The following SLC35E1 variants were observed in gnomAD, a reference collection of about 807,000 sequenced individuals.
SLC35E1 encodes the protein solute carrier family 35 member E1.
Under a neutral mutation model 31.0 loss-of-function variants are expected in SLC35E1, and 12 were observed. The ratio of observed to expected loss-of-function variants is 0.39; its 90% CI spans 0.25 to 0.63. The LOEUF is 0.63. Among genes scored for constraint, SLC35E1 ranks in the 20% least tolerant of loss-of-function variants. The pLI, the probability that SLC35E1 is intolerant of heterozygous loss-of-function variation, is 0.52. For synonymous variants in SLC35E1, 257 were observed against 264.1 expected (o/e 0.97, Z 0.26); for missense variants, 429 against 572.2 (o/e 0.75, Z 2.55).
Position 16,572,140 on chromosome 19 carries a change from C to T in SLC35E1, c.225G>A (p.Pro75=). 1.3e-6 allele frequency: 2 copies of T among 1,510,262 alleles called. No homozygotes were observed. The highest frequency in any genetic ancestry group is 8.9e-7 in the Non-Finnish European group (1 of 1,129,790). The allele number at this position is 1,510,262 out of a possible 1,614,324, so 93.6% of individuals were successfully genotyped here. ...GGGGCACGCGCCAGGCGCGCAGCAG[C>T]GGCGGGAGCCCAGCGCACAGAGCCA... ...HILALCAGLP[P]LLRAWRVPPA... The change falls in exon 1 of 6, where the codon CCG becomes CCA. Residue 75 remains proline, a synonymous_variant. Transcript: ENST00000595753. This position sits in a 1 kb window ranked among gnomAD's most constrained non-coding sequence, Gnocchi z 4.1.
chr19:16,557,930 C>T (rs2085883031), intron 4 of SLC35E1, among the ~76,000 whole-genome samples: 1 of 152,226 alleles, frequency 6.6e-6, no homozygotes, highest in Non-Finnish European at 1.5e-5. Context: ...TCTCCTGCCT[C>T]AGCCTCCCGC....
rs146779841 is a variant in SLC35E1, at chr19:16,555,387, T to G, written c.767A>C (p.Tyr256Ser). Residue 256 changes from tyrosine to serine, a missense_variant, in exon 5 of 6, where the codon TAC becomes TCC. By Grantham distance (144) the Tyr-to-Ser change is moderately radical. Transcript: ENST00000595753. This position sits in a 1 kb window ranked among gnomAD's most constrained non-coding sequence, Gnocchi z 4.1. ...GAGCAGGAGCGTCCAGGGCCACTGG[T>G]AGACGTAGGTCTGCAGAGACCGGAA... is the stretch of plus-strand genomic sequence containing the variant. ...FLVSSDLTYV[Y>S]QWPWTLLLLA... The G allele has an allele frequency of 2.5e-6, 4 of 1,613,540 alleles. No individual in the cohort carries two copies. The African/African-American group carries it at 5.3e-5, about 22-fold the overall frequency.
intron 4 of SLC35E1, among the ~76,000 whole-genome samples, chr19:16,561,862 G>A (rs915093505): frequency 6.6e-6 from 1 of 152,166 alleles, no homozygotes; most frequent in Non-Finnish European, 1.5e-5. Context: ...GCCTAGGGCT[G>A]CTATTAAAAT....
intron 4 of SLC35E1, among the ~76,000 whole-genome samples, chr19:16,558,556 C>T (rs748105060): frequency 2.0e-4 from 31 of 151,832 alleles, no homozygotes; most frequent in South Asian, 6.2e-4. Context: ...AGGCTGGTCT[C>T]GAACTCCTGA....
chr19:16,566,161 G>A (rs1168057960), intron 4 of SLC35E1: 1 of 167,118 alleles, frequency 6.0e-6, no homozygotes, highest in Non-Finnish European at 1.3e-5. Context: ...GCAACAGAGC[G>A]AGGTTCTGTC....
intron 3 of SLC35E1, among the ~76,000 whole-genome samples, chr19:16,567,224 T>C (rs1393130718): frequency 6.6e-6 from 1 of 152,198 alleles, no homozygotes; most frequent in African/African-American, 2.4e-5. Context: ...TCTATTCCTA[T>C]TGCCTAGGCT....
chr19:16,566,441 C>T, intron 4 of SLC35E1, 91 bp downstream of exon 4: 1 of 1,564,874 alleles, frequency 6.4e-7, no homozygotes, highest in Admixed American at 1.8e-5. Flanking sequence ...AAAGATACCA[C>T]AATGTTAACA....
chr19:16,566,708 A>G (rs1220249668), intron 3 of SLC35E1, 51 bp from the exon 4 acceptor site: 1 of 1,577,072 alleles, frequency 6.3e-7, no homozygotes, highest in East Asian at 2.3e-5. Flanking sequence ...ATGTGGCAAA[A>G]AGGGCTCCAG....
Position 16,572,086 on chromosome 19 carries a change from G to A in SLC35E1, c.279C>T (p.Pro93=), listed in dbSNP as rs896285536. ...GCGGGCCGGACGACGGATGCGGACT[G>A]GGTCCGGGGCCCGAGACGGGCGGCG... ...PPAPPVSGPG[P]SPHPSSGPLL... The change falls in exon 1 of 6, where the codon CCC becomes CCT. Residue 93 remains proline, a synonymous_variant. Coordinates refer to ENST00000595753, the MANE Select transcript of SLC35E1 (RefSeq NM_024881.5). The surrounding 1 kb of genome is among the most constrained non-coding windows in gnomAD (Gnocchi z 4.1). 10 of 1,533,180 alleles carry A rather than the reference G, an allele frequency of 6.5e-6. No individual in the cohort carries two copies. The South Asian group carries it at 1.2e-4, about 18-fold the overall frequency. The allele number at this position is 1,533,180 out of a possible 1,614,324, so 95.0% of individuals were successfully genotyped here.
At chr19:16,570,545 G>A (rs1442510841) in intron 2 of SLC35E1, among the ~76,000 whole-genome samples, 1 of 152,194 alleles carries the variant, frequency 6.6e-6, no homozygotes, top group East Asian at 1.9e-4. Context: ...GCTGTCTCCG[G>A]CTAAAGCCAT....
Position 16,552,344 on chromosome 19 carries a change from T to C in SLC35E1, c.*1335A>G, listed in dbSNP as rs2085849825. 1 of 151,566 alleles carries C rather than the reference T, an allele frequency of 6.6e-6. No homozygotes were observed. 9.4% of individuals were successfully genotyped at this position (151,566 alleles called of 1,614,324 possible). A position where few individuals can be genotyped will look rare whatever the true frequency, so the allele number is the denominator to read the frequency against. On this transcript the variant is annotated 3_prime_UTR_variant, in exon 6 of 6. Coordinates refer to ENST00000595753, the MANE Select transcript of SLC35E1 (RefSeq NM_024881.5). ...ATCACCAGTGGGAACTTGGTTTTGT[T>C]TTGTTTTTTTTTTTGAGATGGAGTC... is the stretch of plus-strand genomic sequence containing the variant.
Position 16,552,859 on chromosome 19 carries a change from A to C in SLC35E1, c.*820T>G, listed in dbSNP as rs528669134. ...CTCTCAAAAGACATGTGCCACAGAAATAGAGCTTGAAATACTGAACACGAT... is the reference window on the plus strand; with the variant it reads ...CTCTCAAAAGACATGTGCCACAGAACTAGAGCTTGAAATACTGAACACGAT... On this transcript the variant is annotated 3_prime_UTR_variant, in exon 6 of 6. Coordinates refer to ENST00000595753, the MANE Select transcript of SLC35E1 (RefSeq NM_024881.5). 1.3e-5 allele frequency: 2 copies of C among 152,322 alleles called. No individual in the cohort carries two copies. The highest frequency in any genetic ancestry group is 4.1e-4 in the South Asian group (2 of 4,822). The allele number at this position is 152,322 out of a possible 1,614,324, so 9.4% of individuals were successfully genotyped here.
At chr19:16,567,911 T>C in intron 3 of SLC35E1, 121 bp downstream of exon 3, 1 of 1,340,488 alleles carries the variant, frequency 7.5e-7, no homozygotes, top group Non-Finnish European at 9.9e-7. Flanking sequence ...AGAATGGCAA[T>C]CAAGATTTTT....
chr19:16,570,045 T>C (rs181929534), intron 2 of SLC35E1, among the ~76,000 whole-genome samples: 182 of 152,322 alleles, frequency 1.2e-3, no homozygotes, highest in African/African-American at 4.2e-3. Context: ...CTACTGGCCT[T>C]ATCTGCCTTG....
In SLC35E1 at chr19:16,555,546, AAG is replaced by A; in HGVS notation, c.757-151_757-150del. 1 of 1,043,896 alleles carries A rather than the reference AAG, an allele frequency of 9.6e-7. No individual in the cohort carries two copies. The highest frequency in any genetic ancestry group is 1.4e-6 in the Non-Finnish European group (1 of 738,600). The allele number at this position is 1,043,896 out of a possible 1,614,324, so 64.7% of individuals were successfully genotyped here. A position where few individuals can be genotyped will look rare whatever the true frequency, so the allele number is the denominator to read the frequency against. ...AGGCAGCCAGTCCAGATGTGTCACC[AAG>A]AGACACTAGGTGCTTTAGGTCCATG... On this transcript the variant is annotated intron_variant, in intron 4 of 5. Coordinates refer to ENST00000595753, the MANE Select transcript of SLC35E1 (RefSeq NM_024881.5). The surrounding 1 kb of genome is among the most constrained non-coding windows in gnomAD (Gnocchi z 4.1).
intron 2 of SLC35E1, 73 bp from the exon 3 acceptor site, chr19:16,568,242 G>A (rs2085941644): frequency 6.7e-7 from 1 of 1,500,492 alleles, no homozygotes; most frequent in Non-Finnish European, 8.9e-7. Context: ...GATGCCCAGG[G>A]AAGAGCCCCT....
Position 16,572,243 on chromosome 19 carries a change from C to G in SLC35E1, c.122G>C (p.Ser41Thr). 2 of 1,523,234 alleles carry G rather than the reference C, an allele frequency of 1.3e-6. No individual in the cohort carries two copies. The highest frequency in any genetic ancestry group is 1.8e-6 in the Non-Finnish European group (2 of 1,134,522). 94.4% of individuals were successfully genotyped at this position (1,523,234 alleles called of 1,614,324 possible). ...CTTGTTGACCACGTTGCCGCCCGCG[C>G]TCAGCGCGTACCACAGCAGGCACAG... Reference protein sequence around the residue: ...AALCLLWYALSAGGNVVNKVI... With the variant: ...AALCLLWYALTAGGNVVNKVI... The change falls in exon 1 of 6, where the codon AGC becomes ACC. Residue 41 changes from serine to threonine, a missense_variant. Transcript: ENST00000595753. This position sits in a 1 kb window ranked among gnomAD's most constrained non-coding sequence, Gnocchi z 4.1.
rs775598433 is a variant in SLC35E1, at chr19:16,571,904, G to A, written c.421+40C>T. On this transcript the variant is annotated intron_variant, in intron 1 of 5. Coordinates refer to ENST00000595753, the MANE Select transcript of SLC35E1 (RefSeq NM_024881.5). ...TCCATGCGCCCAAACCCGAAGCGGCGGGCCCGGCCGCCGCCCCCGAGGCCG... is the reference window on the plus strand; with the variant it reads ...TCCATGCGCCCAAACCCGAAGCGGCAGGCCCGGCCGCCGCCCCCGAGGCCG... 17 of 1,522,700 alleles carry A rather than the reference G, an allele frequency of 1.1e-5. No homozygotes were observed. The South Asian group carries it at 2.0e-4, about 18-fold the overall frequency. The allele number at this position is 1,522,700 out of a possible 1,614,324, so 94.3% of individuals were successfully genotyped here. A position where few individuals can be genotyped will look rare whatever the true frequency, so the allele number is the denominator to read the frequency against.
chr19:16,557,416 A>C (rs2085880553), intron 4 of SLC35E1, among the ~76,000 whole-genome samples: 1 of 151,934 alleles, frequency 6.6e-6, no homozygotes. Flanking sequence ...GATGGTCTCG[A>C]TCTCCTGACC....
Sources: allele counts gnomAD v4.1 joint callset (sites outside exome capture counted in the v4.1 genomes callset), GRCh38; gene constraint gnomAD v4.1.1; non-coding constraint Gnocchi (gnomAD v3.1); transcripts MANE v1.5; gene names NCBI Gene and HGNC (gene_info 2026-07-23, HGNC 2026-07-21).